PTPRA: variants seen among roughly 807,000 people sequenced by gnomAD.
The protein encoded by PTPRA is receptor-type tyrosine-protein phosphatase alpha.
Under a neutral mutation model 104.8 loss-of-function variants are expected in PTPRA, and 25 were observed. The observed-to-expected ratio is 0.24, with a 90% CI of 0.17 to 0.33. The LOEUF is 0.33. PTPRA is among the 10% of genes least tolerant of loss of function. The pLI, the probability that PTPRA is intolerant of heterozygous loss-of-function variation, is 1.00. For missense variants in PTPRA, 765 were observed against 1,015.3 expected, an observed-to-expected ratio of 0.75 and a Z score of 3.35; for synonymous variants, 323 against 368.9, an observed-to-expected ratio of 0.88 and a Z score of 1.43.
chr20:2,897,223 G>A (rs2147057124), intron 1 of PTPRA, among the ~76,000 whole-genome samples: 1 of 152,234 alleles, frequency 6.6e-6, no homozygotes, highest in East Asian at 1.9e-4. Context: ...TTTGTGGGGT[G>A]ATGCTTTGAG....
chr20:2,875,689 C>A (rs2089674229), intron 1 of PTPRA, among the ~76,000 whole-genome samples: 1 of 152,120 alleles, frequency 6.6e-6, no homozygotes, highest in African/African-American at 2.4e-5. Context: ...CATGAATTCC[C>A]TCAGTCTTTT....
chr20:2,905,120 G>A (rs1202796556), intron 1 of PTPRA, among the ~76,000 whole-genome samples: 2 of 152,038 alleles, frequency 1.3e-5, no homozygotes, highest in East Asian at 1.9e-4. Flanking sequence ...TACACTCCAG[G>A]GATCTAGGTT....
intron 1 of PTPRA, among the ~76,000 whole-genome samples, chr20:2,877,328 T>G (rs1279178152): frequency 6.6e-6 from 1 of 152,216 alleles, no homozygotes; most frequent in Non-Finnish European, 1.5e-5. Context: ...TGGCGCTATC[T>G]TGGCTCACGC....
intron 1 of PTPRA, among the ~76,000 whole-genome samples, chr20:2,907,580 AT>A (rs2059472893): frequency 6.6e-6 from 1 of 152,132 alleles, no homozygotes; most frequent in African/African-American, 2.4e-5. Context: ...CTTCACACAT[AT>A]TTTTACCATT....
At chr20:2,983,596 G>T (rs1004218253) in intron 6 of PTPRA, among the ~76,000 whole-genome samples, 3 of 146,054 alleles carry the variant, frequency 2.1e-5, no homozygotes, top group African/African-American at 7.5e-5. Context: ...AAGGCAGACA[G>T]ATTTGAAGTT....
At chr20:2,934,950 T>C (rs757159400) in intron 2 of PTPRA, among the ~76,000 whole-genome samples, 1 of 152,110 alleles carries the variant, frequency 6.6e-6, no homozygotes, top group African/African-American at 2.4e-5. Context: ...GGGATTAGAG[T>C]GGTGAGCCAC....
At chr20:2,984,948 C>G (rs1158575775) in intron 6 of PTPRA, among the ~76,000 whole-genome samples, 1 of 152,230 alleles carries the variant, frequency 6.6e-6, no homozygotes, top group Non-Finnish European at 1.5e-5. Flanking sequence ...TCTCCCCACC[C>G]TGCTTTTTAT....
At chr20:2,993,705 C>T (rs556100571) in intron 9 of PTPRA, among the ~76,000 whole-genome samples, 10 of 152,354 alleles carry the variant, frequency 6.6e-5, no homozygotes, top group African/African-American at 2.2e-4. Context: ...ATGGAGACTT[C>T]GCCTTTTGCT....
chr20:3,022,935 G>GT lies in PTPRA; in HGVS notation c.1464+112dup. On this transcript the variant is annotated intron_variant, in intron 16 of 23. Transcript: ENST00000399903. The surrounding 1 kb of genome is among the most constrained non-coding windows in gnomAD (Gnocchi z 4.6). ...TTATTGTAAATGATTACTATAGAGT[G>GT]TGATTGTGGGGGAAAGAAAGATAGA... 6.7e-7 allele frequency: 1 copy of GT among 1,485,884 alleles called. No homozygotes were observed. Among genetic ancestry groups the GT allele is most frequent in the Non-Finnish European group, 9.1e-7 (1 of 1,101,172 alleles). The allele number at this position is 1,485,884 out of a possible 1,614,324, so 92.0% of individuals were successfully genotyped here. A position where few individuals can be genotyped will look rare whatever the true frequency, so the allele number is the denominator to read the frequency against.
intron 2 of PTPRA, among the ~76,000 whole-genome samples, chr20:2,935,637 A>G (rs2060669366): frequency 6.6e-6 from 1 of 152,046 alleles, no homozygotes; most frequent in Non-Finnish European, 1.5e-5. Context: ...CAGTTCTGCA[A>G]TCATAACTCA....
intron 11 of PTPRA, 106 bp from the exon 12 acceptor site, chr20:3,015,743 C>G (rs993228684): frequency 4.2e-5 from 37 of 882,554 alleles, no homozygotes; most frequent in African/African-American, 1.0e-4. Context: ...CGTTAAGTAC[C>G]TGCACATTTT....
intron 1 of PTPRA, among the ~76,000 whole-genome samples, chr20:2,916,369 A>G (rs1331328488): frequency 6.6e-6 from 1 of 152,130 alleles, no homozygotes; most frequent in Non-Finnish European, 1.5e-5. Context: ...ATATGGTATG[A>G]GGTAAGGATT....
intron 1 of PTPRA, among the ~76,000 whole-genome samples, chr20:2,877,642 A>C (rs2089807116): frequency 6.6e-6 from 1 of 152,198 alleles, no homozygotes; most frequent in South Asian, 2.1e-4. Context: ...CAGCAGGCCC[A>C]AAAATAGCCC....
In PTPRA at chr20:2,964,314, G is replaced by A. The variant is rs2061867435; in HGVS notation, c.37G>A (p.Gly13Ser). 1.2e-6 allele frequency: 2 copies of A among 1,609,006 alleles called. No individual in the cohort carries two copies. Among genetic ancestry groups the A allele is most frequent in the Non-Finnish European group, 1.7e-6 (2 of 1,178,516 alleles). ...SWFILVLLGS[G>S]LICVSANNAT... ...GTTCATTCTTGTTCTGCTCGGCAGT[G>A]GTCTGATATGTGTCAGTGCCAACAA... Residue 13 changes from glycine (G) to serine (S), a missense_variant, in exon 4 of 24, where the codon GGT becomes AGT. Gly to Ser is a moderately conservative substitution (Grantham distance 56). Around this residue, in one of 4 missense-constraint regions of PTPRA, gnomAD observed 256 missense variants for 248.9 expected, o/e 1.03. Coordinates refer to ENST00000399903, the MANE Select transcript of PTPRA (RefSeq NM_001385305.1).
At chr20:2,969,202 G>C (rs2147972753) in intron 5 of PTPRA, among the ~76,000 whole-genome samples, 2 of 150,084 alleles carry the variant, frequency 1.3e-5, no homozygotes, top group Admixed American at 1.3e-4. Context: ...TGAGACCCGA[G>C]ACTCTATCTC....
upstream of PTPRA, among the ~76,000 whole-genome samples, chr20:2,871,970 G>T (rs1877051849): frequency 6.6e-6 from 1 of 152,228 alleles, no homozygotes; most frequent in African/African-American, 2.4e-5. Flanking sequence ...GACGGCCTGA[G>T]GCCCGCCCCA....
intron 1 of PTPRA, among the ~76,000 whole-genome samples, chr20:2,905,099 A>G (rs769310609): frequency 2.6e-5 from 4 of 152,100 alleles, no homozygotes; most frequent in African/African-American, 9.7e-5. Context: ...CACAAACCCT[A>G]CTGCGAACTG....
rs529111314 is a variant in PTPRA, at chr20:3,032,594, C to T, written c.1921-2991C>T. ...CAGCCTGGCCAACATGGCAAAACCC[C>T]ATCTCTACTAAAAATACAAAAATTA... On this transcript the variant is annotated intron_variant, in intron 20 of 23. Transcript: ENST00000399903. Among the ~76,000 whole-genome samples, 91 of 151,968 alleles carry T rather than the reference C, an allele frequency of 6.0e-4. 1 individual carries two copies. The highest frequency in any genetic ancestry group is 2.0e-3 in the African/African-American group (84 of 41,504).
At chr20:2,964,616 A>G (rs898406202) in intron 4 of PTPRA, among the ~76,000 whole-genome samples, 1 of 152,166 alleles carries the variant, frequency 6.6e-6, no homozygotes, top group African/African-American at 2.4e-5. Flanking sequence ...ACAACTCTAT[A>G]TATGGTTTCT....
Sources: gnomAD v4.1 joint callset for allele counts (sites outside exome capture counted in the v4.1 genomes callset) on GRCh38, gnomAD v4.1.1 for gene constraint, gnomAD v4.1.1 regional missense constraint, Gnocchi (gnomAD v3.1) non-coding constraint, MANE v1.5 for transcripts, NCBI Gene and HGNC (gene_info 2026-07-23, HGNC 2026-07-21) for gene names.